Variants in LRRFIP2 observed in about 807,000 individuals in gnomAD.
LRRFIP2 encodes LRR binding FLII interacting protein 2, also known as leucine-rich repeat flightless-interacting protein 2.
In LRRFIP2, 109 loss-of-function variants were observed where a neutral mutation model predicts 125.9. The observed-to-expected ratio is 0.87, with a 90% confidence interval of 0.74 to 1.01. The LOEUF (loss-of-function observed/expected upper bound fraction) is 1.01. Ranked by LOEUF, LRRFIP2 falls within the 50% of genes least tolerant of loss-of-function variation. The pLI is 0.00. For missense variants in LRRFIP2, 850 were observed against 862.3 expected, an observed-to-expected ratio of 0.99 and a Z score of 0.18; for synonymous variants, 291 against 293.1, an observed-to-expected ratio of 0.99 and a Z score of 0.07.
intron 1 of LRRFIP2, among the ~76,000 whole-genome samples, 183 bp from the exon 2 acceptor site, chr3:37,149,221 T>C (rs549213071): frequency 6.6e-6 from 1 of 152,352 alleles, no homozygotes; most frequent in East Asian, 1.9e-4. Flanking sequence ...TTCTTTTCAC[T>C]ATGCTACCCA....
intron 4 of LRRFIP2, among the ~76,000 whole-genome samples, chr3:37,125,655 T>C (rs913405161): frequency 6.6e-6 from 1 of 152,202 alleles, no homozygotes; most frequent in African/African-American, 2.4e-5. Flanking sequence ...TTGGACTCAT[T>C]TCTGAGCTTC....
intron 14 of LRRFIP2, among the ~76,000 whole-genome samples, chr3:37,104,496 A>G (rs992648443): frequency 2.6e-5 from 4 of 152,190 alleles, no homozygotes; most frequent in Non-Finnish European, 4.4e-5. Context: ...AATCTCTCCA[A>G]CATTTAATGT....
At position 37,058,914 on chromosome 3, in the gene LRRFIP2, A is replaced by G; in HGVS notation, c.1750-4T>C. 6.2e-7 allele frequency: 1 copy of G among 1,613,590 alleles called. No homozygotes were observed. The highest frequency in any genetic ancestry group is 1.1e-5 in the South Asian group (1 of 91,070). ...ACTGAAGCTTCAGTTTTCTAATCTG[A>G]AATGAAAATAAAGGTTCATCAGCAA... On this transcript the variant is annotated splice_polypyrimidine_tract_variant and splice_region_variant and intron_variant, in intron 24 of 27. Transcript: ENST00000336686.
At chr3:37,113,216 T>A (rs1027129121) in intron 7 of LRRFIP2, among the ~76,000 whole-genome samples, 1 of 152,334 alleles carries the variant, frequency 6.6e-6, no homozygotes, top group Non-Finnish European at 1.5e-5. Flanking sequence ...CATCTGTGTG[T>A]CTGGCCAGCT....
intron 4 of LRRFIP2, among the ~76,000 whole-genome samples, chr3:37,124,435 G>T (rs6791473): frequency 2.0e-5 from 3 of 151,972 alleles, no homozygotes; most frequent in African/African-American, 7.3e-5. Context: ...AAAACATTTG[G>T]GTCATTTTTA....
At position 37,108,086 on chromosome 3, in the gene LRRFIP2, C is replaced by T. The variant is rs1223979576; in HGVS notation, c.701G>A (p.Arg234Gln). 3.1e-6 allele frequency: 5 copies of T among 1,613,824 alleles called. No homozygotes were observed. In the Admixed American group the frequency reaches 6.7e-5, roughly 22 times the overall value. The change falls in exon 13 of 28, where the codon CGA (arginine) becomes CAA (glutamine). Residue 234 changes from arginine (R) to glutamine (Q), a missense_variant. Coordinates refer to ENST00000336686, the MANE Select transcript of LRRFIP2 (RefSeq NM_006309.4). ...SYYSSRISSARSSPGFTNDDT... is the reference protein window; with the variant it reads ...SYYSSRISSAQSSPGFTNDDT... Reference sequence around the variant, plus strand: ...TAGACAGCTCACCCCTGGACTGCTTCGGGCTGAACTTATTCTTGATGAATA... The same window carrying T: ...TAGACAGCTCACCCCTGGACTGCTTTGGGCTGAACTTATTCTTGATGAATA...
intron 2 of LRRFIP2, among the ~76,000 whole-genome samples, chr3:37,129,513 G>A (rs1484897892): frequency 6.6e-6 from 1 of 151,884 alleles, no homozygotes; most frequent in Admixed American, 6.6e-5. Flanking sequence ...CTTTCATTTT[G>A]GACACTGCCA....
intron 13 of LRRFIP2, among the ~76,000 whole-genome samples, chr3:37,107,131 C>T (rs928071904): frequency 6.6e-6 from 1 of 151,934 alleles, no homozygotes; most frequent in Non-Finnish European, 1.5e-5. Context: ...CTCAAACTCC[C>T]GATCTCAGGT....
intron 1 of LRRFIP2, among the ~76,000 whole-genome samples, chr3:37,167,088 T>C (rs1424701007): frequency 6.7e-6 from 1 of 150,270 alleles, no homozygotes; most frequent in Non-Finnish European, 1.5e-5. Context: ...TCCCAGCTAC[T>C]GGAGAGGCTG....
intron 18 of LRRFIP2, among the ~76,000 whole-genome samples, chr3:37,084,144 T>A: frequency 6.6e-6 from 1 of 152,308 alleles, no homozygotes; most frequent in South Asian, 2.1e-4. Flanking sequence ...TTTACTCTTA[T>A]AATTTTAATA....
At chr3:37,158,978 G>A (rs2096268436) in intron 1 of LRRFIP2, among the ~76,000 whole-genome samples, 2 of 152,152 alleles carry the variant, frequency 1.3e-5, no homozygotes, top group African/African-American at 2.4e-5. Flanking sequence ...GTACTCTGAA[G>A]CACAAAAGTT....
chr3:37,116,844 C>A (rs1368787417), intron 6 of LRRFIP2, among the ~76,000 whole-genome samples: 1 of 152,032 alleles, frequency 6.6e-6, no homozygotes, highest in East Asian at 1.9e-4. Context: ...GGTATAAATT[C>A]ATTGAAAATG....
At chr3:37,054,044 A>G (rs2086100622) in intron 27 of LRRFIP2, 83 bp from the exon 28 acceptor site, 6 of 858,188 alleles carry the variant, frequency 7.0e-6, no homozygotes, top group Non-Finnish European at 2.0e-6. Context: ...CTGGGAAATG[A>G]AAGCACTGCT....
rs79142238 is a variant in LRRFIP2 at position 37,122,952 on chromosome 3, G to C, written c.229-1261C>G. On this transcript the variant is annotated intron_variant, in intron 4 of 27. Coordinates refer to ENST00000336686, the MANE Select transcript of LRRFIP2 (RefSeq NM_006309.4). Reference sequence around the variant, plus strand: ...CAAGTCCAAAGTGTTAAAGTAATGTGTGCTGACTGAAAATCTATACATTAC... The same window carrying C: ...CAAGTCCAAAGTGTTAAAGTAATGTCTGCTGACTGAAAATCTATACATTAC... Among the ~76,000 whole-genome samples the C allele has an allele frequency of 2.6e-3, 394 of 152,286 alleles. 5 individuals are homozygous for C. The highest frequency in any genetic ancestry group is 8.5e-3 in the East Asian group (44 of 5,182).
At chr3:37,171,175 G>C (rs1341173503) in intron 1 of LRRFIP2, 1 of 152,248 alleles carries the variant, frequency 6.6e-6, no homozygotes, top group Non-Finnish European at 1.5e-5. Flanking sequence ...TGGATCCTCG[G>C]ATATACGGGC....
At chr3:37,057,396 C>T (rs1046274020) in intron 25 of LRRFIP2, among the ~76,000 whole-genome samples, 1 of 152,152 alleles carries the variant, frequency 6.6e-6, no homozygotes. Context: ...TCTCATCTAC[C>T]GCCAACACCA....
At chr3:37,077,858 G>T (rs549167417) in intron 19 of LRRFIP2, among the ~76,000 whole-genome samples, 1 of 152,266 alleles carries the variant, frequency 6.6e-6, no homozygotes, top group East Asian at 1.9e-4. Context: ...CAACATGGAT[G>T]AGCCTTAGGA....
intron 18 of LRRFIP2, among the ~76,000 whole-genome samples, chr3:37,088,983 A>G (rs759448298): frequency 2.6e-5 from 4 of 152,058 alleles, no homozygotes; most frequent in Non-Finnish European, 5.9e-5. Flanking sequence ...GCCATTTCCT[A>G]TTTGTTTACA....
intron 2 of LRRFIP2, among the ~76,000 whole-genome samples, chr3:37,147,219 G>C (rs759192176): frequency 6.6e-6 from 1 of 152,158 alleles, no homozygotes; most frequent in African/African-American, 2.4e-5. Context: ...AGATGCTGAC[G>C]AGGCTGTGGA....
Sources: allele counts gnomAD v4.1 joint callset (sites outside exome capture counted in the v4.1 genomes callset), GRCh38; gene constraint gnomAD v4.1.1; transcripts MANE v1.5; gene names NCBI Gene and HGNC (gene_info 2026-07-23, HGNC 2026-07-21).